Variants in CCDC7 observed in about 807,000 individuals in gnomAD.
The protein encoded by CCDC7 is coiled-coil domain-containing protein 7.
Under a neutral mutation model 196.9 loss-of-function variants are expected in CCDC7, and 183 were observed. The observed-to-expected ratio is 0.93, with a 90% CI of 0.82 to 1.05. The LOEUF is 1.05. CCDC7 is among the 50% of genes least tolerant of loss of function. The probability of loss-of-function intolerance (pLI) is 0.00; values close to 1 mark genes in which losing one functional copy is unlikely to be tolerated. For missense variants in CCDC7, 1,540 were observed against 1,482.2 expected (o/e 1.04, Z -0.64); for synonymous variants, 525 against 484.6 (o/e 1.08, Z -1.10).
At chr10:32,830,381 C>T (rs147986496) in intron 32 of CCDC7, among the ~76,000 whole-genome samples, 1 of 147,490 alleles carries the variant, frequency 6.8e-6, no homozygotes, top group African/African-American at 2.5e-5. Context: ...GATAGACATG[C>T]AAAAAAGAAA....
At chr10:32,504,248 C>CTGAGACTACA (rs2044532016) in intron 9 of CCDC7, among the ~76,000 whole-genome samples, 1 of 151,164 alleles carries the variant, frequency 6.6e-6, no homozygotes, top group Non-Finnish European at 1.5e-5. Flanking sequence ...TCCTGAGTAG[C>CTGAGACTACA]TGAGACTACA....
chr10:32,535,088 T>C (rs2050260151), intron 11 of CCDC7, among the ~76,000 whole-genome samples: 1 of 151,358 alleles, frequency 6.6e-6, no homozygotes, highest in African/African-American at 2.4e-5. Flanking sequence ...CCGATTTTCC[T>C]ACCATCTGCC....
chr10:32,750,413 G>T (rs937605061), intron 28 of CCDC7, among the ~76,000 whole-genome samples: 1 of 152,096 alleles, frequency 6.6e-6, no homozygotes, highest in Non-Finnish European at 1.5e-5. Context: ...AGAAAAAGTG[G>T]GATAATGTTA....
At chr10:32,877,700 A>G (rs1000864976), downstream of CCDC7, among the ~76,000 whole-genome samples, 9 of 152,128 alleles carry the variant, frequency 5.9e-5, no homozygotes, top group African/African-American at 2.2e-4. Flanking sequence ...CCTTTATAGA[A>G]TACTTATTTG....
At chr10:32,536,543 T>C (rs1699936383) in intron 11 of CCDC7, among the ~76,000 whole-genome samples, 1 of 152,230 alleles carries the variant, frequency 6.6e-6, no homozygotes. Context: ...TAGGGGTACA[T>C]GAGCAGGTTT....
intron 41 of CCDC7, among the ~76,000 whole-genome samples, chr10:32,870,641 G>A (rs916677279): frequency 4.6e-5 from 7 of 152,138 alleles, no homozygotes; most frequent in African/African-American, 1.4e-4. Context: ...ATGTTGAATA[G>A]GAGTGATGAG....
chr10:32,784,223 AT>A (rs2081461319), intron 29 of CCDC7, among the ~76,000 whole-genome samples: 1 of 152,162 alleles, frequency 6.6e-6, no homozygotes, highest in Non-Finnish European at 1.5e-5. Context: ...ATTTTATTTT[AT>A]TTTATTTTTT....
intron 9 of CCDC7, among the ~76,000 whole-genome samples, chr10:32,510,032 G>A (rs535472635): frequency 6.6e-6 from 1 of 152,248 alleles, no homozygotes; most frequent in African/African-American, 2.4e-5. Flanking sequence ...CCACTTCTGG[G>A]TATGTATCCA....
At chr10:32,701,543 G>A (rs541810528) in intron 24 of CCDC7, among the ~76,000 whole-genome samples, 2 of 152,312 alleles carry the variant, frequency 1.3e-5, no homozygotes, top group East Asian at 3.9e-4. Flanking sequence ...AAATGAGTTA[G>A]GGAGGATTCC....
chr10:32,739,866 C>G (rs542524853), intron 28 of CCDC7, among the ~76,000 whole-genome samples: 165 of 151,854 alleles, frequency 1.1e-3, no homozygotes, highest in African/African-American at 3.3e-3. Context: ...TTGCCCCCCC[C>G]CACCAAACTG....
At chr10:32,763,871 A>G (rs1428207007) in intron 28 of CCDC7, among the ~76,000 whole-genome samples, 2 of 151,854 alleles carry the variant, frequency 1.3e-5, no homozygotes, top group Non-Finnish European at 2.9e-5. Context: ...TTTCAGTTAG[A>G]TAGGAGTATT....
chr10:32,540,342 C>T (rs1466774120), intron 11 of CCDC7, among the ~76,000 whole-genome samples: 1 of 152,242 alleles, frequency 6.6e-6, no homozygotes, highest in Admixed American at 6.5e-5. Flanking sequence ...AGGTTTGCAA[C>T]TCCTGCTTTT....
At chr10:32,667,927 G>C (rs1465030393) in intron 21 of CCDC7, among the ~76,000 whole-genome samples, 4 of 152,134 alleles carry the variant, frequency 2.6e-5, no homozygotes, top group South Asian at 4.2e-4. Flanking sequence ...TAGCTTGATG[G>C]GGATGGCATT....
intron 24 of CCDC7, among the ~76,000 whole-genome samples, chr10:32,708,493 C>T (rs372883493): frequency 6.6e-6 from 1 of 152,158 alleles, no homozygotes; most frequent in Non-Finnish European, 1.5e-5. Flanking sequence ...AACTGAAGAG[C>T]TTCTGCACAG....
chr10:32,489,407 A>G (rs1266935086), intron 8 of CCDC7, among the ~76,000 whole-genome samples: 1 of 152,168 alleles, frequency 6.6e-6, no homozygotes, highest in Non-Finnish European at 1.5e-5. Flanking sequence ...TTGTGGTGGT[A>G]GCTCTGATGT....
At chr10:32,730,692 T>C (rs2484737) in intron 28 of CCDC7, among the ~76,000 whole-genome samples, 52,279 of 151,694 alleles carry the variant, frequency 0.34, 11,520 homozygotes, top group Non-Finnish European at 0.5. Flanking sequence ...CATTAACATA[T>C]AGTAATTAAC....
chr10:32,595,107 T>G (rs1382730199), intron 18 of CCDC7, among the ~76,000 whole-genome samples: 2 of 152,208 alleles, frequency 1.3e-5, no homozygotes, highest in Non-Finnish European at 2.9e-5. Context: ...TTGATTGGAA[T>G]AGTTTCAGAA....
intron 39 of CCDC7, among the ~76,000 whole-genome samples, chr10:32,851,246 C>G (rs2093554741): frequency 6.6e-6 from 1 of 151,970 alleles, no homozygotes; most frequent in African/African-American, 2.4e-5. Context: ...TTGCCGCATC[C>G]CATTAAGTTT....
chr10:32,556,829 A>G (rs1283593023), intron 13 of CCDC7, among the ~76,000 whole-genome samples: 1 of 152,068 alleles, frequency 6.6e-6, no homozygotes, highest in Non-Finnish European at 1.5e-5. Flanking sequence ...TTTTCTTTCT[A>G]ATTATTTTCT....
Sources: allele counts gnomAD v4.1 joint callset (sites outside exome capture counted in the v4.1 genomes callset), GRCh38; gene constraint gnomAD v4.1.1; transcripts MANE v1.5; gene names NCBI Gene and HGNC (gene_info 2026-07-23, HGNC 2026-07-21).